The following RAP1GAP2 variants were observed in gnomAD, a reference collection of about 807,000 sequenced individuals.
The protein encoded by RAP1GAP2 is RAP1 GTPase activating protein 2, also known as rap1 GTPase-activating protein 2.
Under a neutral mutation model 95.0 loss-of-function variants are expected in RAP1GAP2, and 27 were observed. The ratio of observed to expected loss-of-function variants is 0.28; its 90% CI spans 0.21 to 0.39. The LOEUF is 0.39. Among genes scored for constraint, RAP1GAP2 ranks in the 10% least tolerant of loss-of-function variants. The pLI is 1.00. For synonymous variants in RAP1GAP2, 373 were observed against 380.9 expected, an observed-to-expected ratio of 0.98 and a Z score of 0.24; for missense variants, 771 against 970.0, an observed-to-expected ratio of 0.79 and a Z score of 2.72.
intron 3 of RAP1GAP2, among the ~76,000 whole-genome samples, chr17:2,926,125 C>CA (rs990593437): frequency 0.069 from 4,080 of 59,004 alleles, 163 homozygotes; most frequent in Middle Eastern, 0.15. Flanking sequence ...GCCTCTGTCT[C>CA]AAAAAAAAAA....
chr17:3,026,798 G>C (rs923939728), intron 21 of RAP1GAP2, 146 bp from the exon 22 acceptor site: 4 of 1,110,832 alleles, frequency 3.6e-6, no homozygotes, highest in African/African-American at 3.1e-5. Flanking sequence ...TTGGAACCAG[G>C]GTTGAAGTCA....
rs1460607432 is a variant in RAP1GAP2, at chr17:2,963,768, C to T, written c.280-88C>T. Reference sequence around the variant, plus strand: ...TACCAGTGGGTACCAGGCCCCACTCCTGGGAGCAGCGCAGAGGGGACACCG... The same window carrying T: ...TACCAGTGGGTACCAGGCCCCACTCTTGGGAGCAGCGCAGAGGGGACACCG... On this transcript the variant is annotated intron_variant, in intron 6 of 24. Coordinates refer to ENST00000254695, the MANE Select transcript of RAP1GAP2 (RefSeq NM_015085.5). The surrounding 1 kb of genome is among the most constrained non-coding windows in gnomAD (Gnocchi z 4.8). 2 of 1,222,144 alleles carry T rather than the reference C, an allele frequency of 1.6e-6. No individual in the cohort carries two copies. The highest frequency in any genetic ancestry group is 2.3e-6 in the Non-Finnish European group (2 of 882,926). 75.7% of individuals were successfully genotyped at this position (1,222,144 alleles called of 1,614,324 possible).
rs1366269431 is a variant in RAP1GAP2 at position 2,871,257 on chromosome 17, A to G, written c.81-34027A>G. ...AGGCATGAGCCACTGCGCCCAGCCAAGGGCTAAACATTTTAATGGCTGAAT... is the reference window on the plus strand; with the variant it reads ...AGGCATGAGCCACTGCGCCCAGCCAGGGGCTAAACATTTTAATGGCTGAAT... On this transcript the variant is annotated intron_variant, in intron 2 of 24. Transcript: ENST00000254695. This position sits in a 1 kb window ranked among gnomAD's most constrained non-coding sequence, Gnocchi z 5.0. 1.3e-5 allele frequency among the ~76,000 whole-genome samples: 2 copies of G among 152,196 alleles called. No individual in the cohort carries two copies. Among genetic ancestry groups the G allele is most frequent in the East Asian group, 1.9e-4 (1 of 5,196 alleles).
chr17:2,867,623 T>C lies in RAP1GAP2; in HGVS notation c.81-37661T>C, dbSNP rs2072668858. 6.6e-6 allele frequency among the ~76,000 whole-genome samples: 1 copy of C among 152,162 alleles called. No individual in the cohort carries two copies. Among genetic ancestry groups the C allele is most frequent in the Non-Finnish European group, 1.5e-5 (1 of 68,014 alleles). Reference sequence around the variant, plus strand: ...CAGAGGGGTGGGATACACTGATTCATGAAGTCTAGGTCTTACGCCCACCGC... The same window carrying C: ...CAGAGGGGTGGGATACACTGATTCACGAAGTCTAGGTCTTACGCCCACCGC... On this transcript the variant is annotated intron_variant, in intron 2 of 24. Transcript: ENST00000254695. The surrounding 1 kb of genome is among the most constrained non-coding windows in gnomAD (Gnocchi z 4.5).
At chr17:2,774,307 T>C (rs2068451327), upstream of RAP1GAP2, among the ~76,000 whole-genome samples, 2 of 152,094 alleles carry the variant, frequency 1.3e-5, no homozygotes, top group Non-Finnish European at 2.9e-5. Flanking sequence ...CAAGGCTCTA[T>C]GAGGAATGTT....
intron 3 of RAP1GAP2, among the ~76,000 whole-genome samples, chr17:2,911,916 C>G (rs115333997): frequency 1.3e-5 from 2 of 152,172 alleles, no homozygotes; most frequent in Non-Finnish European, 2.9e-5. Flanking sequence ...CCGCACCGGG[C>G]CCTGAGCTGG....
At position 2,963,611 on chromosome 17, in the gene RAP1GAP2, C is replaced by T. The variant is rs1002252097; in HGVS notation, c.279+149C>T. 12 of 1,131,302 alleles carry T rather than the reference C, an allele frequency of 1.1e-5. No homozygotes were observed. Among genetic ancestry groups the T allele is most frequent in the Non-Finnish European group, 1.4e-5 (11 of 768,052 alleles). The allele number at this position is 1,131,302 out of a possible 1,614,324, so 70.1% of individuals were successfully genotyped here. A position where few individuals can be genotyped will look rare whatever the true frequency, so the allele number is the denominator to read the frequency against. ...CTTCCTGTCTTTGCCTTTGTAACCTCAGCTTCTCCATGTGTTAAGTTGGGG... is the reference window on the plus strand; with the variant it reads ...CTTCCTGTCTTTGCCTTTGTAACCTTAGCTTCTCCATGTGTTAAGTTGGGG... On this transcript the variant is annotated intron_variant, in intron 6 of 24. Coordinates refer to ENST00000254695, the MANE Select transcript of RAP1GAP2 (RefSeq NM_015085.5). The surrounding 1 kb of genome is among the most constrained non-coding windows in gnomAD (Gnocchi z 4.8).
chr17:2,834,319 G>C (rs2071037782), intron 2 of RAP1GAP2, among the ~76,000 whole-genome samples: 1 of 152,210 alleles, frequency 6.6e-6, no homozygotes, highest in Admixed American at 6.6e-5. Context: ...TGAAGGAGCT[G>C]AGCCAGCCAA....
chr17:2,798,913 A>T (rs2069173377), intron 1 of RAP1GAP2, among the ~76,000 whole-genome samples: 1 of 152,160 alleles, frequency 6.6e-6, no homozygotes, highest in Admixed American at 6.5e-5. Flanking sequence ...AGGTGCACGC[A>T]CCAGGAGCCC....
chr17:2,785,102 T>C (rs1159756492), intron 1 of RAP1GAP2, among the ~76,000 whole-genome samples: 1 of 152,182 alleles, frequency 6.6e-6, no homozygotes, highest in Non-Finnish European at 1.5e-5. Context: ...GTTTGCTCCT[T>C]GTGGCCCAGG....
At chr17:2,958,464 G>A (rs955871409) in intron 4 of RAP1GAP2, among the ~76,000 whole-genome samples, 8 of 152,004 alleles carry the variant, frequency 5.3e-5, no homozygotes, top group African/African-American at 1.9e-4. Context: ...TGACGTGGGC[G>A]GGAAGACTGG....
At chr17:2,978,769 A>T (rs1329151416) in intron 8 of RAP1GAP2, among the ~76,000 whole-genome samples, 1 of 152,070 alleles carries the variant, frequency 6.6e-6, no homozygotes. Flanking sequence ...CCCTGTCTCT[A>T]CTAAAAATAT....
intron 3 of RAP1GAP2, among the ~76,000 whole-genome samples, chr17:2,914,819 C>A (rs887619591): frequency 8.1e-6 from 1 of 123,764 alleles, no homozygotes; most frequent in African/African-American, 3.1e-5. Context: ...TGAGACGGAG[C>A]CTTGCTCTGT....
intron 13 of RAP1GAP2, among the ~76,000 whole-genome samples, chr17:2,996,915 G>T (rs2045978272): frequency 6.6e-6 from 1 of 152,232 alleles, no homozygotes; most frequent in Admixed American, 6.5e-5. Flanking sequence ...CATGCAGTGG[G>T]TGCTTAACAA....
chr17:2,793,874 G>A (rs537130238), upstream of RAP1GAP2, among the ~76,000 whole-genome samples: 20 of 152,102 alleles, frequency 1.3e-4, no homozygotes, highest in Non-Finnish European at 2.8e-4. Context: ...GCTGAGACGG[G>A]TGGATCACCG....
In RAP1GAP2 at chr17:2,871,992, G is replaced by C. The variant is rs1010169031; in HGVS notation, c.81-33292G>C. Among the ~76,000 whole-genome samples, 2 of 152,092 alleles carry C rather than the reference G, an allele frequency of 1.3e-5. No individual in the cohort carries two copies. The highest frequency in any genetic ancestry group is 4.8e-5 in the African/African-American group (2 of 41,422). On this transcript the variant is annotated intron_variant, in intron 2 of 24. Transcript: ENST00000254695. The surrounding 1 kb of genome is among the most constrained non-coding windows in gnomAD (Gnocchi z 5.0). ...GAATCTCAGCGCTTTTGGAGGCTGA[G>C]GTGGGTGAATCACCTGAGGCCAGGA...
At chr17:2,809,324 T>C (rs959541276) in intron 2 of RAP1GAP2, among the ~76,000 whole-genome samples, 5 of 152,214 alleles carry the variant, frequency 3.3e-5, no homozygotes, top group African/African-American at 1.2e-4. Context: ...CAGGAGGGGC[T>C]TTGCCTATTC....
Position 2,871,681 on chromosome 17 carries a change from C to G in RAP1GAP2, c.81-33603C>G, listed in dbSNP as rs1365014559. The stretch of plus-strand genomic sequence containing the variant: ...TGATTTCATTGGGGTTCAATTGGTA[C>G]CATCCCATGGGCAGTACAGTTTGGC... On this transcript the variant is annotated intron_variant, in intron 2 of 24. Transcript: ENST00000254695. This position sits in a 1 kb window ranked among gnomAD's most constrained non-coding sequence, Gnocchi z 5.0. Among the ~76,000 whole-genome samples, 1 of 152,166 alleles carries G rather than the reference C, an allele frequency of 6.6e-6. No individual in the cohort carries two copies. Among genetic ancestry groups the G allele is most frequent in the East Asian group, 1.9e-4 (1 of 5,184 alleles).
intron 2 of RAP1GAP2, among the ~76,000 whole-genome samples, chr17:2,892,689 G>A (rs2073762898): frequency 6.6e-6 from 1 of 152,170 alleles, no homozygotes; most frequent in Non-Finnish European, 1.5e-5. Flanking sequence ...TGCTTTCTCT[G>A]GAGCAAATGT....
Sources: gnomAD v4.1 joint callset for allele counts (sites outside exome capture counted in the v4.1 genomes callset) on GRCh38, gnomAD v4.1.1 for gene constraint, Gnocchi (gnomAD v3.1) non-coding constraint, MANE v1.5 for transcripts, NCBI Gene and HGNC (gene_info 2026-07-23, HGNC 2026-07-21) for gene names.